The following NRG3 variants were observed in gnomAD, a reference collection of about 807,000 sequenced individuals.
The protein encoded by NRG3 is pro-neuregulin-3, membrane-bound isoform.
A neutral mutation model predicts 66.9 loss-of-function variants in NRG3; 31 were observed. The observed-to-expected ratio is 0.46, with a 90% CI of 0.35 to 0.63. The LOEUF is 0.63. NRG3 is among the 20% of genes least tolerant of loss of function. The probability of loss-of-function intolerance (pLI) is 0.00; values close to 1 mark genes in which losing one functional copy is unlikely to be tolerated. For synonymous variants in NRG3, 393 were observed against 359.4 expected (o/e 1.09, Z -1.06); for missense variants, 910 against 878.9 (o/e 1.04, Z -0.45).
At chr10:82,189,693 G>A (rs796943846) in intron 1 of NRG3, among the ~76,000 whole-genome samples, 1 of 152,128 alleles carries the variant, frequency 6.6e-6, no homozygotes, top group South Asian at 2.1e-4. Context: ...GGGAGGCTTA[G>A]GTAGGAGAAT....
intron 1 of NRG3, among the ~76,000 whole-genome samples, chr10:81,905,011 G>A (rs926509822): frequency 2.6e-5 from 4 of 152,030 alleles, no homozygotes; most frequent in Non-Finnish European, 4.4e-5. Flanking sequence ...AATACCAGGC[G>A]TCCAGAACAG....
intron 4 of NRG3, among the ~76,000 whole-genome samples, chr10:82,922,456 C>G (rs760855673): frequency 6.6e-6 from 1 of 152,232 alleles, no homozygotes; most frequent in Non-Finnish European, 1.5e-5. Flanking sequence ...GGAGCAGGTT[C>G]TTGCATCAGA....
At chr10:82,163,752 A>G (rs2071794598) in intron 1 of NRG3, among the ~76,000 whole-genome samples, 1 of 152,048 alleles carries the variant, frequency 6.6e-6, no homozygotes, top group South Asian at 2.1e-4. Context: ...TGGACAAGGT[A>G]GGCCGTGGTT....
intron 2 of NRG3, among the ~76,000 whole-genome samples, chr10:82,599,843 G>A (rs960656797): frequency 2.6e-5 from 4 of 151,924 alleles, no homozygotes; most frequent in African/African-American, 9.7e-5. Flanking sequence ...TCAAAATAAA[G>A]TGAAACAAAA....
intron 1 of NRG3, among the ~76,000 whole-genome samples, chr10:82,169,846 A>G (rs1052740147): frequency 6.6e-6 from 1 of 151,490 alleles, no homozygotes; most frequent in African/African-American, 2.4e-5. Context: ...ATTTTTCTTT[A>G]TATTGTTTTC....
intron 2 of NRG3, among the ~76,000 whole-genome samples, chr10:82,737,231 A>C (rs1164177489): frequency 6.6e-6 from 1 of 152,198 alleles, no homozygotes; most frequent in East Asian, 1.9e-4. Context: ...CTCAGTCTAC[A>C]AGGAAAATTG....
chr10:82,598,942 C>G (rs556436972), intron 2 of NRG3, among the ~76,000 whole-genome samples: 1 of 151,924 alleles, frequency 6.6e-6, no homozygotes, highest in African/African-American at 2.4e-5. Flanking sequence ...CCCAGCTGCT[C>G]GGGAGCCTGA....
chr10:82,667,760 A>G (rs747794256), intron 2 of NRG3, among the ~76,000 whole-genome samples: 7 of 152,170 alleles, frequency 4.6e-5, no homozygotes, highest in Non-Finnish European at 7.3e-5. Context: ...ATTCAGGAAC[A>G]TGAGCAGACT....
At chr10:82,294,784 G>A (rs1302631122) in intron 1 of NRG3, among the ~76,000 whole-genome samples, 1 of 151,972 alleles carries the variant, frequency 6.6e-6, no homozygotes, top group Non-Finnish European at 1.5e-5. Flanking sequence ...AATTCATCAT[G>A]CATAATTTCT....
intron 2 of NRG3, among the ~76,000 whole-genome samples, chr10:82,389,880 T>C (rs934030386): frequency 5.3e-5 from 8 of 152,170 alleles, no homozygotes; most frequent in Admixed American, 1.3e-4. Context: ...TAACTCTCAA[T>C]TGTGAAAGTT....
At chr10:82,763,208 C>T (rs939366119) in intron 3 of NRG3, among the ~76,000 whole-genome samples, 2 of 152,078 alleles carry the variant, frequency 1.3e-5, no homozygotes, top group African/African-American at 4.8e-5. Flanking sequence ...AAACAGCGAC[C>T]TTTTCCAGAG....
At chr10:82,510,538 A>G (rs1055757809) in intron 2 of NRG3, among the ~76,000 whole-genome samples, 1 of 152,166 alleles carries the variant, frequency 6.6e-6, no homozygotes, top group Non-Finnish European at 1.5e-5. Context: ...TCCCATAGGG[A>G]TTATTTACCC....
At chr10:82,726,419 G>A (rs1242362903) in intron 2 of NRG3, among the ~76,000 whole-genome samples, 3 of 152,092 alleles carry the variant, frequency 2.0e-5, no homozygotes, top group African/African-American at 4.8e-5. Context: ...TCATGGGGGC[G>A]AGTCTTTCCC....
At chr10:82,491,862 A>G (rs1484823711) in intron 2 of NRG3, among the ~76,000 whole-genome samples, 1 of 152,222 alleles carries the variant, frequency 6.6e-6, no homozygotes, top group Non-Finnish European at 1.5e-5. Flanking sequence ...AAATGTTGTC[A>G]TATGCCTATC....
chr10:82,020,810 T>TG (rs2062024030), intron 1 of NRG3, among the ~76,000 whole-genome samples: 1 of 152,132 alleles, frequency 6.6e-6, no homozygotes, highest in Non-Finnish European at 1.5e-5. Flanking sequence ...TTACTTATTA[T>TG]AAATGTCACT....
rs546520925 is a variant in NRG3 at position 82,660,416 on chromosome 10, G to A, written c.954-78161G>A. Among the ~76,000 whole-genome samples the A allele has an allele frequency of 3.3e-5, 5 of 152,110 alleles. No homozygotes were observed. In the South Asian group the frequency reaches 8.3e-4, roughly 25 times the overall value. On this transcript the variant is annotated intron_variant, in intron 2 of 8. Transcript: ENST00000372141. The stretch of plus-strand genomic sequence containing the variant: ...CTGAATCTCTGTAGTCATGCTGTTA[G>A]TGACTCACTCTTCCTTTGAAATGTC...
chr10:82,348,047 G>A (rs1428867014), intron 1 of NRG3, among the ~76,000 whole-genome samples: 3 of 151,558 alleles, frequency 2.0e-5, no homozygotes, highest in Non-Finnish European at 3.0e-5. Flanking sequence ...TCTTTTAATT[G>A]GAGCATTTAG....
chr10:82,507,536 C>T (rs1013304198), intron 2 of NRG3, among the ~76,000 whole-genome samples: 6 of 152,148 alleles, frequency 3.9e-5, no homozygotes, highest in African/African-American at 1.4e-4. Context: ...AGACACAAAG[C>T]CTGTAGCTGG....
chr10:81,933,856 A>G (rs553273058), intron 1 of NRG3, among the ~76,000 whole-genome samples: 16 of 152,264 alleles, frequency 1.1e-4, no homozygotes, highest in Non-Finnish European at 2.4e-4. Context: ...TTTCTATTTA[A>G]TAAACACTGA....
Sources: allele counts gnomAD v4.1 joint callset (sites outside exome capture counted in the v4.1 genomes callset), GRCh38; gene constraint gnomAD v4.1.1; transcripts MANE v1.5; gene names NCBI Gene and HGNC (gene_info 2026-07-23, HGNC 2026-07-21).